Variants in NRG3 observed in about 807,000 individuals in gnomAD.
NRG3 encodes the protein pro-neuregulin-3, membrane-bound isoform.
NRG3 carries 31 observed loss-of-function variants against 66.9 expected under a neutral mutation model. That is an observed-to-expected ratio of 0.46 (90% CI 0.35 to 0.63). The LOEUF (loss-of-function observed/expected upper bound fraction) is 0.63. Ranked by LOEUF, NRG3 falls within the 20% of genes least tolerant of loss-of-function variation. The pLI is 0.00. For synonymous variants in NRG3, 393 were observed against 359.4 expected (o/e 1.09, Z -1.06); for missense variants, 910 against 878.9 (o/e 1.04, Z -0.45).
chr10:82,815,339 A>G (rs1412707249), intron 3 of NRG3, among the ~76,000 whole-genome samples: 1 of 152,134 alleles, frequency 6.6e-6, no homozygotes, highest in African/African-American at 2.4e-5. Context: ...GCCCCATTTC[A>G]TTGATTTCCC....
In NRG3 at chr10:82,979,005, G is replaced by A. The variant is rs1314395374; in HGVS notation, c.1468G>A (p.Ala490Thr). Residue 490 changes from alanine (A) to threonine (T), a missense_variant, in exon 8 of 9, where the codon GCC (alanine) becomes ACC (threonine). By Grantham distance (58) the Ala-to-Thr change is moderately conservative (BLOSUM62 0). Transcript: ENST00000372141. ...GQRSGMLHRN[A>T]FRRTPPSPRS... ...AAGAAGTGGCATGCTCCATAGGAAT[G>A]CCTTCAGAAGGACACCCCCGTCACC... 4 of 1,614,068 alleles carry A rather than the reference G, an allele frequency of 2.5e-6. No homozygotes were observed. The highest frequency in any genetic ancestry group is 1.6e-4 in the Middle Eastern group (1 of 6,062).
At chr10:81,877,702 G>A (rs1333967235) in intron 1 of NRG3, 6 of 1,312,172 alleles carry the variant, frequency 4.6e-6, no homozygotes, top group Non-Finnish European at 5.8e-6. Flanking sequence ...AGGAGGGAAG[G>A]AAGGAATCTG....
chr10:82,112,277 C>T (rs980037895), intron 1 of NRG3, among the ~76,000 whole-genome samples: 10 of 152,062 alleles, frequency 6.6e-5, no homozygotes, highest in Admixed American at 1.3e-4. Context: ...AACACCTTGC[C>T]TACCCTTTCT....
intron 1 of NRG3, among the ~76,000 whole-genome samples, chr10:82,020,214 A>G (rs1456509229): frequency 1.3e-5 from 2 of 152,202 alleles, no homozygotes; most frequent in Non-Finnish European, 2.9e-5. Context: ...CAATCAGAAC[A>G]GAGCCAAAGA....
At chr10:82,490,936 A>G (rs967155366) in intron 2 of NRG3, among the ~76,000 whole-genome samples, 4 of 152,130 alleles carry the variant, frequency 2.6e-5, no homozygotes, top group African/African-American at 9.6e-5. Flanking sequence ...TCAATATGGC[A>G]GCCAATATGG....
intron 1 of NRG3, among the ~76,000 whole-genome samples, chr10:82,234,521 A>G (rs972019279): frequency 2.6e-5 from 4 of 152,224 alleles, no homozygotes; most frequent in African/African-American, 7.2e-5. Context: ...CTCCAGTTCA[A>G]TCACAGAGTA....
At position 81,981,558 on chromosome 10, in the gene NRG3, A is replaced by G. The variant is rs190171409; in HGVS notation, c.823+105395A>G. Among the ~76,000 whole-genome samples, 684 of 152,142 alleles carry G rather than the reference A, an allele frequency of 4.5e-3. 4 individuals are homozygous for G. Among genetic ancestry groups the G allele is most frequent in the African/African-American group, 0.015 (638 of 41,502 alleles). ...TGCCTTGAGTGACAGTCCTGTCTCT[A>G]TCATCCTGGGAAGTGGCAGCCTGGT... On this transcript the variant is annotated intron_variant, in intron 1 of 8. Transcript: ENST00000372141.
intron 4 of NRG3, among the ~76,000 whole-genome samples, chr10:82,927,891 T>A (rs1302161627): frequency 6.6e-6 from 1 of 152,204 alleles, no homozygotes; most frequent in Non-Finnish European, 1.5e-5. Flanking sequence ...ATGGTATTTC[T>A]GTTTCTAGAT....
chr10:82,608,398 GTCTT>G (rs1469507427), intron 2 of NRG3, among the ~76,000 whole-genome samples: 1 of 152,082 alleles, frequency 6.6e-6, no homozygotes, highest in Non-Finnish European at 1.5e-5. Context: ...AGACGTCTGT[GTCTT>G]TCTTTATTTT....
At chr10:81,967,726 T>A (rs963920830) in intron 1 of NRG3, among the ~76,000 whole-genome samples, 1 of 152,190 alleles carries the variant, frequency 6.6e-6, no homozygotes, top group Admixed American at 6.5e-5. Flanking sequence ...ATGTCTTTCA[T>A]AGTGTTTGGG....
intron 1 of NRG3, among the ~76,000 whole-genome samples, chr10:82,332,054 T>G (rs1292497729): frequency 6.6e-6 from 1 of 152,146 alleles, no homozygotes; most frequent in Admixed American, 6.5e-5. Flanking sequence ...GTTGGATTTA[T>G]CGGAACCATG....
intron 1 of NRG3, among the ~76,000 whole-genome samples, chr10:82,007,355 G>T (rs1246312505): frequency 6.6e-6 from 1 of 151,540 alleles, no homozygotes; most frequent in Non-Finnish European, 1.5e-5. Context: ...GACTACAGGC[G>T]CACGCCACCA....
At chr10:82,773,455 G>T (rs2059789776) in intron 3 of NRG3, among the ~76,000 whole-genome samples, 1 of 152,090 alleles carries the variant, frequency 6.6e-6, no homozygotes, top group Admixed American at 6.6e-5. Context: ...CTATCGGGTT[G>T]TAAATGATCT....
At chr10:82,635,560 G>C (rs551534067) in intron 2 of NRG3, among the ~76,000 whole-genome samples, 42 of 151,924 alleles carry the variant, frequency 2.8e-4, no homozygotes, top group Non-Finnish European at 5.3e-4. Context: ...TCTTATCTGA[G>C]CTCCATTTTT....
rs537525436 is a variant in NRG3 at position 82,610,509 on chromosome 10, G to A, written c.954-128068G>A. Reference sequence around the variant, plus strand: ...TTTTCATGAAACAATGACTGGCATCGCTGCATATTTTAATATAATGTGCTC... The same window carrying A: ...TTTTCATGAAACAATGACTGGCATCACTGCATATTTTAATATAATGTGCTC... On this transcript the variant is annotated intron_variant, in intron 2 of 8. Transcript: ENST00000372141. 6.6e-5 allele frequency among the ~76,000 whole-genome samples: 10 copies of A among 152,164 alleles called. No homozygotes were observed. In the South Asian group the frequency reaches 1.0e-3, roughly 16 times the overall value.
At chr10:82,055,551 T>G (rs1277846230) in intron 1 of NRG3, among the ~76,000 whole-genome samples, 1 of 150,526 alleles carries the variant, frequency 6.6e-6, no homozygotes, top group African/African-American at 2.4e-5. Flanking sequence ...TGGAGTGAGG[T>G]AAAGAGAAAA....
intron 3 of NRG3, among the ~76,000 whole-genome samples, chr10:82,786,128 A>C (rs927889894): frequency 1.3e-5 from 2 of 152,116 alleles, no homozygotes; most frequent in Admixed American, 1.3e-4. Flanking sequence ...CCTTACTCTC[A>C]TAATGTTTAG....
At chr10:82,895,121 A>G (rs773257668) in intron 4 of NRG3, among the ~76,000 whole-genome samples, 2 of 151,942 alleles carry the variant, frequency 1.3e-5, no homozygotes, top group Non-Finnish European at 2.9e-5. Flanking sequence ...TATGTGCCAC[A>G]TTTTCTTTAT....
intron 4 of NRG3, among the ~76,000 whole-genome samples, chr10:82,933,010 CT>C (rs1208359973): frequency 6.6e-6 from 1 of 152,020 alleles, no homozygotes; most frequent in Non-Finnish European, 1.5e-5. Flanking sequence ...CTTTATTCTT[CT>C]TCCAGAAATC....
Sources: allele counts gnomAD v4.1 joint callset (sites outside exome capture counted in the v4.1 genomes callset), GRCh38; gene constraint gnomAD v4.1.1; transcripts MANE v1.5; gene names NCBI Gene and HGNC (gene_info 2026-07-23, HGNC 2026-07-21).